Variants in TPO observed in about 807,000 individuals in gnomAD.
TPO encodes the protein thyroid microsomal antigen.
Under a neutral mutation model 96.9 loss-of-function variants are expected in TPO, and 78 were observed. The observed-to-expected ratio is 0.81, with a 90% CI of 0.67 to 0.97. The LOEUF (loss-of-function observed/expected upper bound fraction) is 0.97, where lower values mean the gene tolerates loss of function less well. TPO is among the 50% of genes least tolerant of loss of function. The pLI, the probability that TPO is intolerant of heterozygous loss-of-function variation, is 0.00. For synonymous variants in TPO, 547 were observed against 538.0 expected (o/e 1.02, Z -0.23); for missense variants, 1,252 against 1,274.8 (o/e 0.98, Z 0.27).
rs370072872 is a variant in TPO at position 1,453,712 on chromosome 2, C to T, written c.501C>T (p.Gly167=). Residue 167 remains glycine, a synonymous_variant, in exon 6 of 17, where the codon GGC becomes GGT. Coordinates refer to ENST00000329066, the MANE Select transcript of TPO (RefSeq NM_001206744.2). ...TCCACAGAGACCACCCCAGATGGGGCGCCTCCAACACGGCCCTGGCACGAT... is the reference window on the plus strand; with the variant it reads ...TCCACAGAGACCACCCCAGATGGGGTGCCTCCAACACGGCCCTGGCACGAT... The part of the protein sequence containing the change: ...ACNNRDHPRW[G]ASNTALARWL... 4.2e-4 allele frequency: 671 copies of T among 1,613,966 alleles called. 7 individuals are homozygous for T. The South Asian group carries it at 5.2e-3, about 13-fold the overall frequency.
intron 1 of TPO, among the ~76,000 whole-genome samples, chr2:1,401,018 C>T (rs1303665479): frequency 2.6e-5 from 4 of 151,706 alleles, no homozygotes; most frequent in African/African-American, 9.8e-5. Flanking sequence ...ACTTTCCAAC[C>T]TGATGTCTGT....
chr2:1,457,942 A>G (rs1395631119), intron 7 of TPO, among the ~76,000 whole-genome samples: 1 of 150,612 alleles, frequency 6.6e-6, no homozygotes, highest in East Asian at 2.0e-4. Flanking sequence ...GGCACATAAG[A>G]TAGTGTGTGG....
intron 5 of TPO, among the ~76,000 whole-genome samples, chr2:1,450,356 G>C (rs781145304): frequency 6.6e-6 from 1 of 152,200 alleles, no homozygotes; most frequent in Non-Finnish European, 1.5e-5. Flanking sequence ...AAAGTCTCCA[G>C]TGCCAGGTGC....
intron 9 of TPO, among the ~76,000 whole-genome samples, chr2:1,487,118 G>A (rs1293613242): frequency 1.3e-5 from 2 of 152,184 alleles, no homozygotes; most frequent in African/African-American, 4.8e-5. Context: ...GAGATGACAG[G>A]AACAGTGGTC....
chr2:1,376,755 T>C lies in TPO; in HGVS notation n.180+2353T>C, dbSNP rs142719151. ...TAAAGACACTTAACAAAAAGTGATATTCTCAAACAAAAAGTAATATTCTTT... is the reference window on the plus strand; with the variant it reads ...TAAAGACACTTAACAAAAAGTGATACTCTCAAACAAAAAGTAATATTCTTT... On this transcript the variant is annotated intron_variant and non_coding_transcript_variant, in intron 1 of 5. Coordinates refer to the TPO transcript ENST00000497517. Among the ~76,000 whole-genome samples the C allele has an allele frequency of 7.8e-4, 119 of 152,314 alleles. 1 individual carries two copies. In the Middle Eastern group the frequency reaches 0.01, roughly 13 times the overall value.
intron 15 of TPO, among the ~76,000 whole-genome samples, chr2:1,531,220 TCGCCCCCACTGTGTGCAACCG>T (rs1305354798): frequency 1.2e-5 from 1 of 84,202 alleles, no homozygotes; most frequent in East Asian, 4.0e-4. Context: ...CCACCCCAAA[TCGCCCCCACTGTGTGCAACCG>T]CCTCATATTC....
chr2:1,453,684 G>T lies in TPO; in HGVS notation c.483-10G>T. ...CCATCTCAAACACATCCTTGCATTTGTCTCCACAGAGACCACCCCAGATGG... is the reference window on the plus strand; with the variant it reads ...CCATCTCAAACACATCCTTGCATTTTTCTCCACAGAGACCACCCCAGATGG... On this transcript the variant is annotated splice_polypyrimidine_tract_variant and intron_variant, in intron 5 of 16. Coordinates refer to ENST00000329066, the MANE Select transcript of TPO (RefSeq NM_001206744.2). 6.2e-7 allele frequency: 1 copy of T among 1,613,926 alleles called. No homozygotes were observed. The highest frequency in any genetic ancestry group is 8.5e-7 in the Non-Finnish European group (1 of 1,180,040).
intron 1 of TPO, among the ~76,000 whole-genome samples, chr2:1,386,203 G>A (rs950830720): frequency 1.3e-5 from 2 of 152,164 alleles, no homozygotes; most frequent in African/African-American, 4.8e-5. Flanking sequence ...GATTTGGCGT[G>A]GAGAGTTCTA....
chr2:1,452,141 C>T (rs1667361122), intron 5 of TPO, among the ~76,000 whole-genome samples: 1 of 152,082 alleles, frequency 6.6e-6, no homozygotes, highest in Non-Finnish European at 1.5e-5. Context: ...GTTCAGTGAG[C>T]ACAAGGGCCT....
chr2:1,540,345 C>CT (rs1680587543), intron 15 of TPO, among the ~76,000 whole-genome samples: 1 of 152,254 alleles, frequency 6.6e-6, no homozygotes, highest in South Asian at 2.1e-4. Context: ...CCCAGCTCAG[C>CT]TGCGTGGAGA....
intron 7 of TPO, among the ~76,000 whole-genome samples, chr2:1,475,681 C>T (rs1484447158): frequency 6.6e-6 from 1 of 152,110 alleles, no homozygotes; most frequent in Admixed American, 6.5e-5. Context: ...CCTCGGCCTC[C>T]CAAATTGCTG....
intron 9 of TPO, 96 bp from the exon 10 acceptor site, chr2:1,487,725 T>A: frequency 1.3e-6 from 2 of 1,496,622 alleles, no homozygotes; most frequent in Non-Finnish European, 1.8e-6. Flanking sequence ...ACAGAAAGAA[T>A]GAGACTCCGT....
chr2:1,459,186 C>T (rs1668166046), intron 7 of TPO, among the ~76,000 whole-genome samples: 1 of 151,028 alleles, frequency 6.6e-6, no homozygotes, highest in Admixed American at 6.6e-5. Flanking sequence ...GGGTCTCACC[C>T]AGTCGCCCAG....
At chr2:1,387,645 G>C (rs945993038) in intron 1 of TPO, among the ~76,000 whole-genome samples, 1 of 152,102 alleles carries the variant, frequency 6.6e-6, no homozygotes, top group African/African-American at 2.4e-5. Flanking sequence ...ACTTCTTTGC[G>C]ATGGGCTCGA....
chr2:1,438,922 G>A lies in TPO; in HGVS notation c.482+2538G>A, dbSNP rs1380848257. 8 of 709,296 alleles carry A rather than the reference G, an allele frequency of 1.1e-5. No homozygotes were observed. In the Admixed American group the frequency reaches 1.7e-4, roughly 15 times the overall value. 43.9% of individuals were successfully genotyped at this position (709,296 alleles called of 1,614,324 possible). A position where few individuals can be genotyped will look rare whatever the true frequency, so the allele number is the denominator to read the frequency against. The stretch of plus-strand genomic sequence containing the variant: ...TAATGCGAAACTGAAGCCAGTCAAA[G>A]CTTTTCTCCAATGACGTCTACATCC... On this transcript the variant is annotated intron_variant, in intron 5 of 16. Transcript: ENST00000329066.
At chr2:1,445,633 G>T (rs550869896) in intron 5 of TPO, among the ~76,000 whole-genome samples, 12 of 137,652 alleles carry the variant, frequency 8.7e-5, no homozygotes, top group Admixed American at 5.7e-4. Flanking sequence ...GAAGGGAATG[G>T]GGCAGGCTCC....
chr2:1,462,508 G>T (rs1668538305), intron 7 of TPO, among the ~76,000 whole-genome samples: 2 of 139,976 alleles, frequency 1.4e-5, no homozygotes, highest in South Asian at 4.4e-4. Flanking sequence ...AAATACGTGT[G>T]TGTAGGTAAA....
chr2:1,496,627 A>G lies in TPO; in HGVS notation c.2248A>G (p.Asn750Asp). Residue 750 changes from asparagine to aspartate, a missense_variant, in exon 13 of 17, where the codon AAT becomes GAT. Physicochemically the swap from Asn to Asp is conservative, Grantham distance 23. Coordinates refer to ENST00000329066, the MANE Select transcript of TPO (RefSeq NM_001206744.2). Reference sequence around the variant, plus strand: ...GTGTGGCTTCCCAGAGAGCGTGGAGAATGGGGACTTTGTGCACTGTGAGGA... The same window carrying G: ...GTGTGGCTTCCCAGAGAGCGTGGAGGATGGGGACTTTGTGCACTGTGAGGA... ...DKCGFPESVE[N>D]GDFVHCEESG... 6.2e-7 allele frequency: 1 copy of G among 1,613,626 alleles called. No individual in the cohort carries two copies. Among genetic ancestry groups the G allele is most frequent in the Non-Finnish European group, 8.5e-7 (1 of 1,179,910 alleles).
At position 1,477,098 on chromosome 2, in the gene TPO, G is replaced by T; in HGVS notation, c.832G>T (p.Ala278Ser). The T allele has an allele frequency of 6.2e-7, 1 of 1,604,728 alleles. No individual in the cohort carries two copies. Among genetic ancestry groups the T allele is most frequent in the Non-Finnish European group, 8.5e-7 (1 of 1,178,044 alleles). The change falls in exon 8 of 17, where the codon GCC (alanine) becomes TCC (serine). Residue 278 changes from alanine to serine, a missense_variant. Coordinates refer to ENST00000329066, the MANE Select transcript of TPO (RefSeq NM_001206744.2). ...CCTTTGCCTGCAGCTCCCGGAGGAG[G>T]CCCGGCCGGCCGCGGGCACCGCCTG... ...PCFPIQLPEEARPAAGTACLP... is the reference protein window; with the variant it reads ...PCFPIQLPEESRPAAGTACLP...
Sources: gnomAD v4.1 joint callset for allele counts (sites outside exome capture counted in the v4.1 genomes callset) on GRCh38, gnomAD v4.1.1 for gene constraint, MANE v1.5 for transcripts, NCBI Gene and HGNC (gene_info 2026-07-23, HGNC 2026-07-21) for gene names.